Variants in PTPRQ observed in about 807,000 individuals in gnomAD.
PTPRQ encodes the protein phosphatidylinositol phosphatase PTPRQ.
In PTPRQ, 199 loss-of-function variants were observed where a neutral mutation model predicts 246.0. The ratio of observed to expected loss-of-function variants is 0.81; its 90% CI spans 0.72 to 0.91. The LOEUF is 0.91. Ranked by LOEUF, PTPRQ falls within the 40% of genes least tolerant of loss-of-function variation. The pLI is 0.00. For missense variants in PTPRQ, 2,624 were observed against 2,528.4 expected (o/e 1.04, Z -0.81); for synonymous variants, 869 against 853.2 (o/e 1.02, Z -0.32).
At chr12:80,504,850 A>T (rs1894905549) in intron 14 of PTPRQ, among the ~76,000 whole-genome samples, 2 of 151,906 alleles carry the variant, frequency 1.3e-5, no homozygotes, top group African/African-American at 4.8e-5. Flanking sequence ...CTCCACCCAG[A>T]GGAGTGGCAA....
At position 80,471,076 on chromosome 12, in the gene PTPRQ, C is replaced by T. The variant is rs528612199; in HGVS notation, c.1040-1029C>T. ...ATGAAAGTAAATGAGAGTAAATGAC[C>T]CTCAGGTTAGTAGATTACGACAACT... On this transcript the variant is annotated intron_variant, in intron 7 of 44. Transcript: ENST00000644991. Among the ~76,000 whole-genome samples, 4 of 152,100 alleles carry T rather than the reference C, an allele frequency of 2.6e-5. No individual in the cohort carries two copies. In the South Asian group the frequency reaches 8.3e-4, roughly 32 times the overall value.
At chr12:80,516,662 TA>T (rs1418892496) in intron 17 of PTPRQ, among the ~76,000 whole-genome samples, 1 of 152,206 alleles carries the variant, frequency 6.6e-6, no homozygotes, top group Non-Finnish European at 1.5e-5. Context: ...TTCTGAATCC[TA>T]AAAAAGTATA....
intron 6 of PTPRQ, among the ~76,000 whole-genome samples, chr12:80,467,605 C>T (rs1427019845): frequency 6.6e-6 from 1 of 152,098 alleles, no homozygotes; most frequent in Admixed American, 6.6e-5. Context: ...TTGCAACCAA[C>T]CCAAATGTCC....
intron 20 of PTPRQ, among the ~76,000 whole-genome samples, 165 bp downstream of exon 20, chr12:80,540,109 T>G (rs562674966): frequency 3.9e-5 from 6 of 152,112 alleles, no homozygotes; most frequent in Non-Finnish European, 8.8e-5. Context: ...ATTGCAGTAA[T>G]AGCCTCTTCT....
intron 9 of PTPRQ, among the ~76,000 whole-genome samples, chr12:80,484,901 T>C (rs1894222728): frequency 6.6e-6 from 1 of 152,192 alleles, no homozygotes. Flanking sequence ...GTTAATGAAT[T>C]GTTCGGAAAC....
chr12:80,534,904 C>A lies in PTPRQ; in HGVS notation c.2852C>A (p.Pro951His). 1 of 1,548,286 alleles carries A rather than the reference C, an allele frequency of 6.5e-7. No individual in the cohort carries two copies. The highest frequency in any genetic ancestry group is 8.7e-7 in the Non-Finnish European group (1 of 1,145,658). The stretch of plus-strand genomic sequence containing the variant: ...ATTTGTTTTATAGCACCAAGCGATC[C>A]TCCCAAAGATGTTTATTATGCAAAC... Reference protein sequence around the residue: ...FQTPEGAPSDPPKDVYYANLS... With the variant: ...FQTPEGAPSDHPKDVYYANLS... Residue 951 changes from proline to histidine, a missense_variant, in exon 19 of 45, where the codon CCT becomes CAT. Pro to His is a moderately conservative substitution (Grantham distance 77). Transcript: ENST00000644991.
chr12:80,617,919 C>A (rs774815170), intron 30 of PTPRQ, among the ~76,000 whole-genome samples: 2 of 151,312 alleles, frequency 1.3e-5, no homozygotes, highest in Non-Finnish European at 3.0e-5. Context: ...CTCAGAACTA[C>A]CTGAAACCTG....
In PTPRQ at chr12:80,481,106, A is replaced by G. The variant is rs1894032813; in HGVS notation, c.1187-3327A>G. 2.0e-5 allele frequency among the ~76,000 whole-genome samples: 3 copies of G among 152,332 alleles called. No individual in the cohort carries two copies. The South Asian group carries it at 6.2e-4, about 32-fold the overall frequency. ...TTTTAGACCAATATCCTTGATGAAC[A>G]TTGATGCAAAAATCCTCAGTAAAAT... On this transcript the variant is annotated intron_variant, in intron 8 of 44. Transcript: ENST00000644991.
At chr12:80,451,370 C>T (rs1278281462) in intron 3 of PTPRQ, among the ~76,000 whole-genome samples, 1 of 102,292 alleles carries the variant, frequency 9.8e-6, no homozygotes, top group Non-Finnish European at 1.9e-5. Flanking sequence ...TTTTGTGTCT[C>T]TATGTCCTTC....
At chr12:80,546,937 G>T in intron 24 of PTPRQ, 1 of 368,472 alleles carries the variant, frequency 2.7e-6, no homozygotes, top group South Asian at 6.4e-5. Context: ...TAAAATAGTA[G>T]TTTGGGAACA....
chr12:80,639,011 A>G (rs1899759458), intron 35 of PTPRQ, among the ~76,000 whole-genome samples: 1 of 152,190 alleles, frequency 6.6e-6, no homozygotes, highest in Non-Finnish European at 1.5e-5. Context: ...CTCCTGCAAA[A>G]CACCACCACT....
intron 39 of PTPRQ, 110 bp from the exon 40 acceptor site, chr12:80,668,897 T>G (rs1017402306): frequency 3.7e-6 from 5 of 1,343,686 alleles, no homozygotes; most frequent in Non-Finnish European, 4.8e-6. Context: ...TACGGTATTC[T>G]AAAATATTAG....
chr12:80,676,079 A>G (rs1901126607), intron 43 of PTPRQ, among the ~76,000 whole-genome samples: 1 of 152,126 alleles, frequency 6.6e-6, no homozygotes, highest in Non-Finnish European at 1.5e-5. Flanking sequence ...TAGTTCCCAG[A>G]AGTTAGGCTC....
intron 23 of PTPRQ, among the ~76,000 whole-genome samples, chr12:80,546,065 C>T (rs1161259030): frequency 6.6e-6 from 1 of 152,122 alleles, no homozygotes; most frequent in Non-Finnish European, 1.5e-5. Flanking sequence ...CGCCTGTAAT[C>T]CCAGCACTTT....
intron 7 of PTPRQ, 82 bp from the exon 8 acceptor site, chr12:80,472,023 T>C: frequency 6.7e-7 from 1 of 1,495,766 alleles, no homozygotes; most frequent in Non-Finnish European, 8.9e-7. Flanking sequence ...CTTGAATTGT[T>C]GTCTTTGGCT....
intron 25 of PTPRQ, among the ~76,000 whole-genome samples, chr12:80,580,700 T>C (rs1897406437): frequency 6.6e-6 from 1 of 152,216 alleles, no homozygotes; most frequent in Non-Finnish European, 1.5e-5. Flanking sequence ...TCTTTCTAAA[T>C]ACATTTGAGT....
chr12:80,585,159 C>A (rs1244395189), intron 25 of PTPRQ, among the ~76,000 whole-genome samples: 1 of 151,972 alleles, frequency 6.6e-6, no homozygotes, highest in Non-Finnish European at 1.5e-5. Context: ...TCAAAGTTAA[C>A]CTACTCAAAA....
chr12:80,510,163 T>A (rs1181942303), intron 16 of PTPRQ, among the ~76,000 whole-genome samples, 160 bp from the exon 17 acceptor site: 1 of 152,138 alleles, frequency 6.6e-6, no homozygotes, highest in East Asian at 1.9e-4. Flanking sequence ...TCCTTTATCA[T>A]CTCATTTTGA....
chr12:80,659,660 A>G (rs1040901542), intron 39 of PTPRQ, among the ~76,000 whole-genome samples: 4 of 152,068 alleles, frequency 2.6e-5, no homozygotes, highest in Non-Finnish European at 5.9e-5. Context: ...CCCTTGAAAT[A>G]TGGTAGGTTG....
Sources: gnomAD v4.1 joint callset for allele counts (sites outside exome capture counted in the v4.1 genomes callset) on GRCh38, gnomAD v4.1.1 for gene constraint, MANE v1.5 for transcripts, NCBI Gene and HGNC (gene_info 2026-07-23, HGNC 2026-07-21) for gene names.